Variants in KIF26B observed in about 807,000 individuals in gnomAD.
The protein encoded by KIF26B is kinesin family member 26B, also known as kinesin-like protein KIF26B.
In KIF26B, 63 loss-of-function variants were observed where a neutral mutation model predicts 151.2. The observed-to-expected ratio is 0.42, with a 90% CI of 0.34 to 0.51. KIF26B has a LOEUF of 0.51. Among genes scored for constraint, KIF26B ranks in the 20% least tolerant of loss-of-function variants. The pLI, the probability that KIF26B is intolerant of heterozygous loss-of-function variation, is 0.07. For synonymous variants in KIF26B, 1,357 were observed against 1,262.1 expected (o/e 1.08, Z -1.59); for missense variants, 2,813 against 2,913.6 (o/e 0.97, Z 0.79).
At chr1:245,514,832 G>A (rs1361609818) in intron 4 of KIF26B, among the ~76,000 whole-genome samples, 1 of 152,148 alleles carries the variant, frequency 6.6e-6, no homozygotes, top group South Asian at 2.1e-4. Flanking sequence ...TAAAATGCAC[G>A]CGAAGCTTAC....
intron 4 of KIF26B, among the ~76,000 whole-genome samples, chr1:245,465,151 T>TG (rs1325998601): frequency 3.3e-5 from 5 of 151,044 alleles, no homozygotes; most frequent in African/African-American, 1.2e-4. Flanking sequence ...GCTAATTTTT[T>TG]GTATTTTTAG....
At position 245,688,073 on chromosome 1, in the gene KIF26B, C is replaced by T. The variant is rs750950806; in HGVS notation, c.5090C>T (p.Ala1697Val). The T allele has an allele frequency of 5.2e-6, 8 of 1,551,628 alleles. No homozygotes were observed. In the East Asian group the frequency reaches 9.7e-5, roughly 19 times the overall value. ...TCCTCCGTGAGCTCCCGGCTGCACG[C>T]GGGCAAGGACGGCACCATGCCCCGC... ...SLSSVSSRLH[A>V]GKDGTMPRAG... is the part of the protein sequence containing the mutation. The change falls in exon 12 of 15, where the codon GCG becomes GTG. Residue 1697 changes from alanine (A) to valine (V), a missense_variant. Ala to Val is a moderately conservative substitution (Grantham distance 64). Around this residue, in one of 3 missense-constraint regions of KIF26B, gnomAD observed 2,060 missense variants for 2,088.6 expected, o/e 0.99. Coordinates refer to ENST00000407071, the MANE Select transcript of KIF26B (RefSeq NM_018012.4).
intron 4 of KIF26B, among the ~76,000 whole-genome samples, chr1:245,502,927 T>C (rs544269481): frequency 2.0e-4 from 30 of 151,766 alleles, no homozygotes; most frequent in Admixed American, 1.9e-3. Context: ...AATGGCGCGA[T>C]CTCAGCTCAT....
chr1:245,387,046 C>T (rs1051778917), intron 3 of KIF26B, among the ~76,000 whole-genome samples: 1 of 152,080 alleles, frequency 6.6e-6, no homozygotes, highest in Admixed American at 6.6e-5. Context: ...TGCTTCATAG[C>T]TTTGAATTAG....
chr1:245,392,899 G>A (rs913757156), intron 3 of KIF26B, among the ~76,000 whole-genome samples: 27 of 152,008 alleles, frequency 1.8e-4, no homozygotes, highest in African/African-American at 5.6e-4. Context: ...GGCTGGGTGC[G>A]GTAGCTCATG....
chr1:245,195,267 A>G (rs938123178), intron 2 of KIF26B, among the ~76,000 whole-genome samples: 4 of 152,114 alleles, frequency 2.6e-5, no homozygotes, highest in Non-Finnish European at 5.9e-5. Flanking sequence ...GTGTTTTCCA[A>G]TTATGCATAT....
intron 2 of KIF26B, among the ~76,000 whole-genome samples, chr1:245,224,790 A>G (rs1669842453): frequency 6.6e-6 from 1 of 152,218 alleles, no homozygotes; most frequent in African/African-American, 2.4e-5. Flanking sequence ...TTCCATTCCA[A>G]CTGTGGCGTA....
intron 5 of KIF26B, among the ~76,000 whole-genome samples, chr1:245,590,207 C>G (rs1340769903): frequency 6.6e-6 from 1 of 151,468 alleles, no homozygotes; most frequent in African/African-American, 2.4e-5. Context: ...AACCACCCGG[C>G]GAGTCAGAGC....
intron 2 of KIF26B, among the ~76,000 whole-genome samples, chr1:245,262,754 C>T (rs1417918721): frequency 6.6e-6 from 1 of 152,128 alleles, no homozygotes; most frequent in East Asian, 1.9e-4. Flanking sequence ...TGCGCCTGGC[C>T]AGGAATGAGT....
At chr1:245,580,203 A>G (rs1390284576) in intron 5 of KIF26B, among the ~76,000 whole-genome samples, 2 of 152,126 alleles carry the variant, frequency 1.3e-5, no homozygotes, top group African/African-American at 2.4e-5. Context: ...CCCACCCAAT[A>G]TTTCCTATCC....
At position 245,505,446 on chromosome 1, in the gene KIF26B, C is replaced by T. The variant is rs145171162; in HGVS notation, c.1167-35321C>T. The stretch of plus-strand genomic sequence containing the variant: ...TGTCGCCCAGGCTGGAGTGCTGTGG[C>T]ACAATCTTGGCTCATTGCAACCTCT... On this transcript the variant is annotated intron_variant, in intron 4 of 14. Transcript: ENST00000407071. Among the ~76,000 whole-genome samples, 16 of 152,266 alleles carry T rather than the reference C, an allele frequency of 1.1e-4. No homozygotes were observed. In the East Asian group the frequency reaches 2.5e-3, roughly 24 times the overall value.
chr1:245,325,717 A>C (rs1052973800), intron 2 of KIF26B, among the ~76,000 whole-genome samples: 1 of 152,200 alleles, frequency 6.6e-6, no homozygotes, highest in Admixed American at 6.5e-5. Flanking sequence ...ATTTAAAAAA[A>C]AAAGGAAAAA....
intron 4 of KIF26B, among the ~76,000 whole-genome samples, chr1:245,494,253 C>T (rs138280036): frequency 1.4e-3 from 218 of 152,250 alleles, no homozygotes; most frequent in African/African-American, 4.9e-3. Flanking sequence ...TTACAGTGAG[C>T]CAAGATTGTG....
chr1:245,360,473 T>C (rs945101122), intron 2 of KIF26B, among the ~76,000 whole-genome samples: 2 of 152,262 alleles, frequency 1.3e-5, no homozygotes, highest in Non-Finnish European at 2.9e-5. Context: ...GGGCCAGGTC[T>C]GTGCTAAAAA....
At chr1:245,381,233 G>A (rs1054449197) in intron 3 of KIF26B, among the ~76,000 whole-genome samples, 13 of 152,192 alleles carry the variant, frequency 8.5e-5, no homozygotes, top group African/African-American at 2.4e-4. Flanking sequence ...TTTTGGCCTG[G>A]TAGAAAGACC....
At chr1:245,230,045 A>T (rs1669960059) in intron 2 of KIF26B, among the ~76,000 whole-genome samples, 1 of 151,852 alleles carries the variant, frequency 6.6e-6, no homozygotes, top group Admixed American at 6.6e-5. Context: ...AGGCAGGAGA[A>T]TCGCTTGAAC....
intron 9 of KIF26B, among the ~76,000 whole-genome samples, chr1:245,625,544 G>T (rs2043715152): frequency 6.6e-6 from 1 of 152,090 alleles, no homozygotes; most frequent in African/African-American, 2.4e-5. Flanking sequence ...GTGATATTTT[G>T]ATGCACGCAT....
intron 2 of KIF26B, among the ~76,000 whole-genome samples, chr1:245,211,229 G>A (rs190317891): frequency 1.3e-5 from 2 of 152,316 alleles, no homozygotes; most frequent in African/African-American, 2.4e-5. Flanking sequence ...CCAGACATGT[G>A]TCTGAGCCCC....
chr1:245,224,110 C>A (rs982275868), intron 2 of KIF26B, among the ~76,000 whole-genome samples: 2 of 152,024 alleles, frequency 1.3e-5, no homozygotes, highest in African/African-American at 2.4e-5. Context: ...TAGGGACAAA[C>A]CCTGTCTCTA....
Sources: gnomAD v4.1 joint callset for allele counts (sites outside exome capture counted in the v4.1 genomes callset) on GRCh38, gnomAD v4.1.1 for gene constraint, gnomAD v4.1.1 regional missense constraint, MANE v1.5 for transcripts, NCBI Gene and HGNC (gene_info 2026-07-23, HGNC 2026-07-21) for gene names.